The following BICD1 variants were observed in gnomAD, a reference collection of about 807,000 sequenced individuals.
The protein encoded by BICD1 is protein bicaudal D homolog 1.
Under a neutral mutation model 92.5 loss-of-function variants are expected in BICD1, and 35 were observed. The observed-to-expected ratio is 0.38, with a 90% CI of 0.29 to 0.50. The LOEUF is 0.50. Ranked by LOEUF, BICD1 falls within the 20% of genes least tolerant of loss-of-function variation. BICD1 has a pLI of 0.93. For synonymous variants in BICD1, 429 were observed against 465.1 expected (o/e 0.92, Z 1.00); for missense variants, 950 against 1,189.8 (o/e 0.80, Z 2.97).
chr12:32,253,482 C>T (rs959455770), intron 2 of BICD1, among the ~76,000 whole-genome samples: 26 of 151,506 alleles, frequency 1.7e-4, no homozygotes, highest in African/African-American at 4.6e-4. Context: ...CAAGAAAGGC[C>T]GTGGATTCTT....
intron 1 of BICD1, among the ~76,000 whole-genome samples, chr12:32,210,055 A>T (rs907141335): frequency 1.8e-4 from 28 of 151,816 alleles, no homozygotes; most frequent in African/African-American, 6.3e-4. Context: ...CTTTTTCAAC[A>T]CTATGCCATG....
chr12:32,248,884 C>T (rs1435183636), intron 2 of BICD1, among the ~76,000 whole-genome samples: 1 of 152,224 alleles, frequency 6.6e-6, no homozygotes, highest in Non-Finnish European at 1.5e-5. Flanking sequence ...CCTGGCGGCT[C>T]CACCCCATCC....
At chr12:32,303,794 G>C (rs982280210) in intron 3 of BICD1, among the ~76,000 whole-genome samples, 3 of 152,162 alleles carry the variant, frequency 2.0e-5, no homozygotes, top group Non-Finnish European at 4.4e-5. Flanking sequence ...AAAACCTCTG[G>C]CTGGGCGTGG....
intron 3 of BICD1, 97 bp downstream of exon 3, chr12:32,294,243 C>A (rs1274876072): frequency 1.7e-6 from 2 of 1,178,058 alleles, no homozygotes; most frequent in East Asian, 2.5e-5. Flanking sequence ...TATTGTTACT[C>A]TTTTATCTTC....
At position 32,327,563 on chromosome 12, in the gene BICD1, C is replaced by T. The variant is rs576393370; in HGVS notation, c.1108C>T (p.Arg370Trp). The T allele has an allele frequency of 2.0e-5, 32 of 1,614,104 alleles. No individual in the cohort carries two copies. Among genetic ancestry groups the T allele is most frequent in the East Asian group, 1.8e-4 (8 of 44,868 alleles). ...ALTEQHERVH[R>W]LTEHVNAMRG... Reference sequence around the variant, plus strand: ...GACGGAGCAGCATGAGCGGGTGCACCGGCTCACAGAGCACGTCAATGCCAT... The same window carrying T: ...GACGGAGCAGCATGAGCGGGTGCACTGGCTCACAGAGCACGTCAATGCCAT... Residue 370 changes from arginine to tryptophan, a missense_variant, in exon 5 of 10, where the codon CGG becomes TGG. By Grantham distance (101) the Arg-to-Trp change is moderately radical (BLOSUM62 -3). Coordinates refer to ENST00000652176, the MANE Select transcript of BICD1 (RefSeq NM_001714.4).
At chr12:32,151,582 T>C (rs1054968483) in intron 1 of BICD1, among the ~76,000 whole-genome samples, 2 of 152,220 alleles carry the variant, frequency 1.3e-5, no homozygotes, top group Admixed American at 6.5e-5. Flanking sequence ...CTTATAAGTG[T>C]ACATTATGTT....
chr12:32,167,499 A>C (rs1176294334), intron 1 of BICD1, among the ~76,000 whole-genome samples: 3 of 151,994 alleles, frequency 2.0e-5, no homozygotes, highest in Admixed American at 2.0e-4. Context: ...ACTGTCGCCC[A>C]GGCTGGAGTG....
At chr12:32,240,013 A>G (rs1026094276) in intron 2 of BICD1, among the ~76,000 whole-genome samples, 3 of 152,226 alleles carry the variant, frequency 2.0e-5, no homozygotes, top group African/African-American at 7.2e-5. Context: ...ACTAGAAAAT[A>G]AAAATTTCAT....
intron 2 of BICD1, among the ~76,000 whole-genome samples, chr12:32,221,290 CT>C (rs1262679921): frequency 1.3e-5 from 2 of 150,838 alleles, no homozygotes; most frequent in Admixed American, 1.3e-4. Flanking sequence ...ATGTAAAATG[CT>C]TCCAACAGTG....
At chr12:32,199,383 G>A (rs1386464931) in intron 1 of BICD1, among the ~76,000 whole-genome samples, 2 of 152,126 alleles carry the variant, frequency 1.3e-5, no homozygotes, top group African/African-American at 4.8e-5. Context: ...TGGCTTACAT[G>A]CCAAATGTCT....
At chr12:32,309,488 A>G (rs1016242872) in intron 4 of BICD1, among the ~76,000 whole-genome samples, 1 of 152,232 alleles carries the variant, frequency 6.6e-6, no homozygotes, top group Non-Finnish European at 1.5e-5. Context: ...TAATATTAAC[A>G]TTTCTGCAGT....
At chr12:32,286,951 T>C (rs939324497) in intron 2 of BICD1, among the ~76,000 whole-genome samples, 3 of 152,198 alleles carry the variant, frequency 2.0e-5, no homozygotes, top group Non-Finnish European at 1.5e-5. Flanking sequence ...TTTCTAAGTA[T>C]GTACTCCATG....
At position 32,377,730 on chromosome 12, in the gene BICD1, A is replaced by G. The variant is rs965034140; in HGVS notation, c.*103A>G. 6.9e-6 allele frequency: 7 copies of G among 1,018,358 alleles called. 1 individual carries two copies. The highest frequency in any genetic ancestry group is 6.4e-5 in the African/African-American group (4 of 62,886). 63.1% of individuals were successfully genotyped at this position (1,018,358 alleles called of 1,614,324 possible). On this transcript the variant is annotated 3_prime_UTR_variant, in exon 10 of 10. Coordinates refer to ENST00000652176, the MANE Select transcript of BICD1 (RefSeq NM_001714.4). ...TGTTTTCTTCTCGGTTGTTAGATGT[A>G]CAATTGGATTAATGTCCATCGTTTT...
At chr12:32,195,476 A>G (rs1028481117) in intron 1 of BICD1, among the ~76,000 whole-genome samples, 12 of 152,216 alleles carry the variant, frequency 7.9e-5, no homozygotes, top group Admixed American at 7.2e-4. Context: ...AATAAACCCA[A>G]ACATATATGG....
At position 32,294,056 on chromosome 12, in the gene BICD1, C is replaced by G; in HGVS notation, c.489C>G (p.Phe163Leu). The change falls in exon 3 of 10, where the codon TTC becomes TTG. Residue 163 changes from phenylalanine (F) to leucine (L), a missense_variant. Phe to Leu is a conservative substitution (Grantham distance 22). Coordinates refer to ENST00000652176, the MANE Select transcript of BICD1 (RefSeq NM_001714.4). Reference sequence around the variant, plus strand: ...AGGATGAAATCCGAGAATATAAGTTCCGGGAGGCACGGCTCCTTCAGGACT... The same window carrying G: ...AGGATGAAATCCGAGAATATAAGTTGCGGGAGGCACGGCTCCTTCAGGACT... ...RMKDEIREYK[F>L]REARLLQDYT... 3 of 1,612,702 alleles carry G rather than the reference C, an allele frequency of 1.9e-6. No homozygotes were observed. Among genetic ancestry groups the G allele is most frequent in the Non-Finnish European group, 2.5e-6 (3 of 1,179,670 alleles).
At chr12:32,296,634 A>G (rs770774355) in intron 3 of BICD1, among the ~76,000 whole-genome samples, 1 of 152,110 alleles carries the variant, frequency 6.6e-6, no homozygotes, top group African/African-American at 2.4e-5. Flanking sequence ...ATTTACTTGA[A>G]GTGCAACTAT....
intron 1 of BICD1, among the ~76,000 whole-genome samples, chr12:32,114,778 T>TTCACCA (rs1660070467): frequency 6.6e-6 from 1 of 152,200 alleles, no homozygotes; most frequent in Non-Finnish European, 1.5e-5. Context: ...CCAGTTAGTT[T>TTCACCA]GATTGCTTTC....
intron 2 of BICD1, among the ~76,000 whole-genome samples, chr12:32,222,584 A>G (rs955034292): frequency 6.6e-6 from 1 of 152,132 alleles, no homozygotes; most frequent in Non-Finnish European, 1.5e-5. Flanking sequence ...CCTCTTCCGA[A>G]CCCTGCCTCA....
At chr12:32,244,795 A>G (rs1946330325) in intron 2 of BICD1, among the ~76,000 whole-genome samples, 1 of 151,928 alleles carries the variant, frequency 6.6e-6, no homozygotes, top group Non-Finnish European at 1.5e-5. Context: ...TGCCCAGCTA[A>G]TTTTTGTATT....
Sources: allele counts gnomAD v4.1 joint callset (sites outside exome capture counted in the v4.1 genomes callset), GRCh38; gene constraint gnomAD v4.1.1; transcripts MANE v1.5; gene names NCBI Gene and HGNC (gene_info 2026-07-23, HGNC 2026-07-21).